TMEM117: variants seen among roughly 807,000 people sequenced by gnomAD.
The protein encoded by TMEM117 is transmembrane protein 117.
Under a neutral mutation model 52.4 loss-of-function variants are expected in TMEM117, and 27 were observed. That is an observed-to-expected ratio of 0.51 (90% confidence interval 0.38 to 0.71). The LOEUF is 0.71. Ranked by LOEUF, TMEM117 falls within the 30% of genes least tolerant of loss-of-function variation. TMEM117 has a pLI of 0.00. For missense variants in TMEM117, 556 were observed against 630.5 expected (o/e 0.88, Z 1.26); for synonymous variants, 215 against 206.3 (o/e 1.04, Z -0.36).
the TMEM117 span, among the ~76,000 whole-genome samples, chr12:43,805,202 T>C: frequency 1.3e-5 from 2 of 152,230 alleles, no homozygotes; most frequent in East Asian, 3.8e-4. Context: ...TGTTGTCTAT[T>C]AGCAGCAAGA....
intron 4 of TMEM117, among the ~76,000 whole-genome samples, chr12:44,188,185 G>A (rs1453043598): frequency 6.6e-6 from 1 of 152,056 alleles, no homozygotes; most frequent in African/African-American, 2.4e-5. Flanking sequence ...TTGCTGATTT[G>A]GGGTTCTCTT....
chr12:44,092,086 A>C (rs561180405), intron 3 of TMEM117, among the ~76,000 whole-genome samples: 10 of 152,340 alleles, frequency 6.6e-5, no homozygotes, highest in African/African-American at 2.2e-4. Context: ...AATATGAATT[A>C]GCATGGTTCA....
chr12:44,104,108 T>C (rs1462717950), intron 3 of TMEM117, among the ~76,000 whole-genome samples: 4 of 152,050 alleles, frequency 2.6e-5, no homozygotes, highest in Non-Finnish European at 4.4e-5. Flanking sequence ...TTGTAAATGA[T>C]CACTCATTAC....
chr12:44,373,147 A>G (rs1951887680), intron 6 of TMEM117, among the ~76,000 whole-genome samples: 1 of 152,226 alleles, frequency 6.6e-6, no homozygotes, highest in Admixed American at 6.5e-5. Flanking sequence ...GCCATCAGTT[A>G]CACATGTTGC....
chr12:43,886,199 G>A (rs1366092978), intron 2 of TMEM117, among the ~76,000 whole-genome samples: 2 of 152,110 alleles, frequency 1.3e-5, no homozygotes, highest in East Asian at 3.8e-4. Flanking sequence ...AAACATCTAA[G>A]GAGGTAAAGA....
intron 4 of TMEM117, among the ~76,000 whole-genome samples, chr12:44,199,176 A>G (rs1949459501): frequency 2.4e-5 from 2 of 82,514 alleles, no homozygotes; most frequent in South Asian, 8.3e-4. Context: ...GTATGTGAAG[A>G]TGTCTCATTC....
the TMEM117 span, chr12:43,805,595 G>C: frequency 2.1e-6 from 1 of 471,274 alleles, no homozygotes. Context: ...CTGTCTGCAC[G>C]CATTACATGC....
chr12:43,829,630 C>T, the TMEM117 span, among the ~76,000 whole-genome samples: 4 of 152,114 alleles, frequency 2.6e-5, no homozygotes, highest in African/African-American at 9.7e-5. Context: ...TTTTGAACCA[C>T]GAAGAAAGGG....
chr12:44,328,577 G>A (rs936413992), intron 6 of TMEM117, among the ~76,000 whole-genome samples: 2 of 152,052 alleles, frequency 1.3e-5, no homozygotes, highest in East Asian at 1.9e-4. Flanking sequence ...GACAAAGCAC[G>A]TGTTACAATC....
chr12:44,081,334 C>G (rs1947478273), intron 3 of TMEM117, among the ~76,000 whole-genome samples: 1 of 152,120 alleles, frequency 6.6e-6, no homozygotes, highest in Admixed American at 6.6e-5. Context: ...GTTGTGGAAT[C>G]ACAAACTATA....
Position 43,844,669 on chromosome 12 carries a change from T to G in TMEM117, c.18T>G (p.Arg6=). 6.2e-7 allele frequency: 1 copy of G among 1,613,608 alleles called. No homozygotes were observed. Among genetic ancestry groups the G allele is most frequent in the South Asian group, 1.1e-5 (1 of 90,948 alleles). ...TCTGAAGAATGGGTAAAGACTTTCG[T>G]TACTATTTCCAGCATCCCTGGTCTC... MGKDF[R]YYFQHPWSRM... Residue 6 remains arginine, a synonymous_variant, in exon 2 of 8, where the codon CGT becomes CGG. Coordinates refer to ENST00000266534, the MANE Select transcript of TMEM117 (RefSeq NM_032256.3).
chr12:44,123,706 G>A (rs1426034327), intron 3 of TMEM117, among the ~76,000 whole-genome samples: 7 of 152,138 alleles, frequency 4.6e-5, no homozygotes, highest in African/African-American at 1.2e-4. Context: ...AGATCAGATG[G>A]TTGTAGGTGT....
intron 5 of TMEM117, among the ~76,000 whole-genome samples, chr12:44,255,241 T>A (rs1459831952): frequency 6.6e-6 from 1 of 152,086 alleles, no homozygotes; most frequent in Non-Finnish European, 1.5e-5. Flanking sequence ...CACACTGACT[T>A]CCACAATGGT....
At chr12:44,353,068 G>T (rs1436676809) in intron 6 of TMEM117, among the ~76,000 whole-genome samples, 2 of 152,064 alleles carry the variant, frequency 1.3e-5, no homozygotes, top group South Asian at 2.1e-4. Flanking sequence ...ATTTTTTCAT[G>T]TGTTTTTTGG....
intron 6 of TMEM117, among the ~76,000 whole-genome samples, chr12:44,364,067 T>C (rs1352136823): frequency 1.3e-5 from 2 of 152,162 alleles, no homozygotes; most frequent in Admixed American, 6.6e-5. Context: ...AACATATTAA[T>C]TGATTTATGC....
At chr12:44,254,805 C>T (rs905015558) in intron 5 of TMEM117, among the ~76,000 whole-genome samples, 1 of 151,974 alleles carries the variant, frequency 6.6e-6, no homozygotes, top group South Asian at 2.1e-4. Context: ...CTATCCCTCC[C>T]CTCTCCCCCC....
At chr12:44,167,450 A>G (rs1372912469) in intron 4 of TMEM117, among the ~76,000 whole-genome samples, 2 of 151,478 alleles carry the variant, frequency 1.3e-5, no homozygotes, top group Non-Finnish European at 2.9e-5. Flanking sequence ...GGGCAGATCA[A>G]GAGGCCAGGA....
intron 3 of TMEM117, among the ~76,000 whole-genome samples, chr12:44,098,236 C>G (rs1483957987): frequency 2.6e-5 from 4 of 152,024 alleles, no homozygotes; most frequent in African/African-American, 7.2e-5. Context: ...CAGGCAATGT[C>G]CCTGACCCCT....
chr12:43,852,356 G>A (rs1206629043), intron 2 of TMEM117, among the ~76,000 whole-genome samples: 2 of 152,066 alleles, frequency 1.3e-5, no homozygotes, highest in East Asian at 3.9e-4. Flanking sequence ...GCGTGAACCC[G>A]GGAGGCAGAG....
Sources: allele counts gnomAD v4.1 joint callset (sites outside exome capture counted in the v4.1 genomes callset), GRCh38; gene constraint gnomAD v4.1.1; transcripts MANE v1.5; gene names NCBI Gene and HGNC (gene_info 2026-07-23, HGNC 2026-07-21).